Variants in NBEA observed in about 807,000 individuals in gnomAD.
NBEA encodes neurobeachin.
In NBEA, 44 loss-of-function variants were observed where a neutral mutation model predicts 343.4. The ratio of observed to expected loss-of-function variants is 0.13; its 90% confidence interval spans 0.10 to 0.16. The LOEUF is 0.16. Among genes scored for constraint, NBEA ranks in the 10% least tolerant of loss-of-function variants. The probability of loss-of-function intolerance (pLI) is 1.00; values close to 1 mark genes in which losing one functional copy is unlikely to be tolerated. For synonymous variants in NBEA, 1,175 were observed against 1,238.7 expected, an observed-to-expected ratio of 0.95 and a Z score of 1.08; for missense variants, 2,555 against 3,631.3, an observed-to-expected ratio of 0.70 and a Z score of 7.62.
intron 51 of NBEA, among the ~76,000 whole-genome samples, 198 bp downstream of exon 51, chr13:35,646,546 T>G (rs1278506908): frequency 6.6e-6 from 1 of 152,230 alleles, no homozygotes; most frequent in Non-Finnish European, 1.5e-5. Flanking sequence ...CTACTTAAGC[T>G]GTCCCACTTT....
chr13:35,539,224 G>A (rs1460837856), intron 41 of NBEA, among the ~76,000 whole-genome samples: 3 of 152,174 alleles, frequency 2.0e-5, no homozygotes, highest in Non-Finnish European at 4.4e-5. Flanking sequence ...AGTTTGGTAA[G>A]TATTATAAAA....
At chr13:35,203,646 A>G (rs73505642) in intron 31 of NBEA, among the ~76,000 whole-genome samples, 3,130 of 152,290 alleles carry the variant, frequency 0.021, 76 homozygotes, top group African/African-American at 0.054. Flanking sequence ...TGTTGAATGA[A>G]TGAGTGAATG....
At chr13:35,348,002 C>A (rs1031712554) in intron 36 of NBEA, among the ~76,000 whole-genome samples, 1 of 152,062 alleles carries the variant, frequency 6.6e-6, no homozygotes, top group Admixed American at 6.6e-5. Flanking sequence ...TATGTCCTAG[C>A]CTCAGGAGTC....
intron 38 of NBEA, among the ~76,000 whole-genome samples, chr13:35,363,676 G>C (rs982184319): frequency 6.6e-6 from 1 of 151,812 alleles, no homozygotes; most frequent in Non-Finnish European, 1.5e-5. Context: ...TGATCCATTT[G>C]GATTCCCTGG....
intron 41 of NBEA, among the ~76,000 whole-genome samples, chr13:35,492,608 A>G (rs1481892461): frequency 6.6e-6 from 1 of 151,922 alleles, no homozygotes; most frequent in African/African-American, 2.4e-5. Context: ...AATTATTAAT[A>G]TTGCATTTTA....
At chr13:35,361,577 C>T (rs2040809630) in intron 38 of NBEA, among the ~76,000 whole-genome samples, 1 of 151,934 alleles carries the variant, frequency 6.6e-6, no homozygotes, top group Non-Finnish European at 1.5e-5. Flanking sequence ...AATGTAACAC[C>T]ATAAAACTTC....
chr13:35,471,876 TATTA>T (rs1566182379), intron 40 of NBEA, among the ~76,000 whole-genome samples: 1 of 152,116 alleles, frequency 6.6e-6, no homozygotes, highest in East Asian at 1.9e-4. Flanking sequence ...AGGAGACCGA[TATTA>T]GATTAATCTT....
intron 39 of NBEA, among the ~76,000 whole-genome samples, chr13:35,446,611 G>T (rs1345924430): frequency 6.6e-6 from 1 of 152,118 alleles, no homozygotes; most frequent in Admixed American, 6.6e-5. Flanking sequence ...AGACAATGTG[G>T]CATGTATGCA....
intron 1 of NBEA, among the ~76,000 whole-genome samples, chr13:34,998,508 G>A (rs973851773): frequency 3.3e-5 from 5 of 152,166 alleles, no homozygotes; most frequent in African/African-American, 1.2e-4. Flanking sequence ...GACCGTAAGA[G>A]ACAGCTGCCC....
chr13:35,432,236 A>G (rs2045166201), intron 38 of NBEA, 33 bp from the exon 39 acceptor site: 1 of 1,550,998 alleles, frequency 6.4e-7, no homozygotes, highest in African/African-American at 1.4e-5. Flanking sequence ...CATTGTTATT[A>G]ATAGGGATTA....
At chr13:35,577,713 G>T (rs571669690) in intron 45 of NBEA, among the ~76,000 whole-genome samples, 20 of 152,020 alleles carry the variant, frequency 1.3e-4, no homozygotes, top group Non-Finnish European at 2.2e-4. Flanking sequence ...GCTTAAAAAG[G>T]TTCAGGTACT....
intron 34 of NBEA, among the ~76,000 whole-genome samples, chr13:35,273,465 G>A (rs952531342): frequency 1.3e-5 from 2 of 152,034 alleles, no homozygotes; most frequent in African/African-American, 4.8e-5. Context: ...AGAAGCAAGA[G>A]CAAACAAGTT....
intron 36 of NBEA, among the ~76,000 whole-genome samples, chr13:35,347,566 CA>C (rs551977167): frequency 1.3e-3 from 202 of 150,192 alleles, no homozygotes; most frequent in African/African-American, 4.8e-3. Context: ...TTACTTAATG[CA>C]AAAAAAATTG....
At chr13:35,416,252 C>G (rs1349305835) in intron 38 of NBEA, among the ~76,000 whole-genome samples, 4 of 152,146 alleles carry the variant, frequency 2.6e-5, no homozygotes, top group Non-Finnish European at 4.4e-5. Context: ...ATTGCCCTGG[C>G]CAGAACTTCT....
At chr13:35,191,441 C>A (rs1314425327) in intron 30 of NBEA, among the ~76,000 whole-genome samples, 1 of 151,860 alleles carries the variant, frequency 6.6e-6, no homozygotes, top group African/African-American at 2.4e-5. Context: ...ATATTTAATT[C>A]CTGAAGTTGT....
At chr13:34,999,576 C>G (rs1490299905) in intron 1 of NBEA, among the ~76,000 whole-genome samples, 1 of 151,964 alleles carries the variant, frequency 6.6e-6, no homozygotes, top group African/African-American at 2.4e-5. Context: ...CATGATTGTT[C>G]TTATGCTTAC....
intron 45 of NBEA, among the ~76,000 whole-genome samples, chr13:35,571,296 G>A (rs1019965853): frequency 6.6e-6 from 1 of 152,098 alleles, no homozygotes; most frequent in Non-Finnish European, 1.5e-5. Flanking sequence ...TATCAGTTGG[G>A]AAACTTCTGA....
At chr13:35,192,953 A>G (rs922121863) in intron 30 of NBEA, among the ~76,000 whole-genome samples, 2 of 151,972 alleles carry the variant, frequency 1.3e-5, no homozygotes, top group East Asian at 3.9e-4. Flanking sequence ...ACACTAGACC[A>G]TATCTGTAAA....
At chr13:35,332,347 G>A (rs2038976658) in intron 36 of NBEA, among the ~76,000 whole-genome samples, 1 of 151,974 alleles carries the variant, frequency 6.6e-6, no homozygotes, top group Admixed American at 6.6e-5. Context: ...CATATATAAA[G>A]GCCCTGAAAT....
Sources: allele counts gnomAD v4.1 joint callset (sites outside exome capture counted in the v4.1 genomes callset), GRCh38; gene constraint gnomAD v4.1.1; transcripts MANE v1.5; gene names NCBI Gene and HGNC (gene_info 2026-07-23, HGNC 2026-07-21).